The following SUV39H2 variants were observed in gnomAD, a reference collection of about 807,000 sequenced individuals.
The protein encoded by SUV39H2 is histone-lysine N-methyltransferase SUV39H2.
SUV39H2 carries 10 observed loss-of-function variants against 47.5 expected under a neutral mutation model. The observed-to-expected ratio is 0.21, with a 90% CI of 0.13 to 0.36. The LOEUF is 0.36. SUV39H2 is among the 10% of genes least tolerant of loss of function. The pLI, the probability that SUV39H2 is intolerant of heterozygous loss-of-function variation, is 1.00. For missense variants in SUV39H2, 266 were observed against 487.4 expected (o/e 0.55, Z 4.28); for synonymous variants, 159 against 166.8 (o/e 0.95, Z 0.36).
chr10:14,888,173 G>C (rs1833273036), intron 2 of SUV39H2, among the ~76,000 whole-genome samples: 1 of 152,210 alleles, frequency 6.6e-6, no homozygotes, highest in South Asian at 2.1e-4. Flanking sequence ...GACTCTGGCT[G>C]TTGTGCCCTG....
At chr10:14,887,094 A>G (rs1220016802) in intron 2 of SUV39H2, among the ~76,000 whole-genome samples, 1 of 152,200 alleles carries the variant, frequency 6.6e-6, no homozygotes, top group Non-Finnish European at 1.5e-5. Flanking sequence ...TCTCTCTGCA[A>G]AAAAGAAAGG....
intron 1 of SUV39H2, chr10:14,879,814 C>T (rs1224167565): frequency 6.6e-6 from 1 of 152,080 alleles, no homozygotes; most frequent in Non-Finnish European, 1.5e-5. Context: ...TTGTGGTGGT[C>T]ATGAACTATT....
chr10:14,900,697 G>A (rs1404181954), intron 4 of SUV39H2, among the ~76,000 whole-genome samples: 2 of 152,162 alleles, frequency 1.3e-5, no homozygotes, highest in Admixed American at 1.3e-4. Flanking sequence ...GAAACTCCAT[G>A]CAGTGTAAAA....
intron 2 of SUV39H2, among the ~76,000 whole-genome samples, chr10:14,882,948 A>G (rs1425824522): frequency 2.0e-5 from 3 of 150,514 alleles, no homozygotes; most frequent in African/African-American, 7.3e-5. Flanking sequence ...GCTCACTGCA[A>G]CCTCCACCTC....
At chr10:14,881,294 A>G (rs1218904360) in intron 1 of SUV39H2, among the ~76,000 whole-genome samples, 1 of 152,252 alleles carries the variant, frequency 6.6e-6, no homozygotes, top group Non-Finnish European at 1.5e-5. Context: ...ATAGAAATCC[A>G]TGAGAAAATC....
chr10:14,897,749 C>T (rs943570744), intron 3 of SUV39H2: 6 of 306,932 alleles, frequency 2.0e-5, no homozygotes, highest in African/African-American at 1.3e-4. Context: ...CATCTTTCAA[C>T]AAATACACAT....
intron 2 of SUV39H2, among the ~76,000 whole-genome samples, chr10:14,892,816 CTTTT>C (rs543122499): frequency 7.2e-6 from 1 of 139,480 alleles, no homozygotes. Context: ...GGGGAAATGT[CTTTT>C]TTTTTTTTTT....
At chr10:14,895,986 C>G (rs191583712) in intron 2 of SUV39H2, among the ~76,000 whole-genome samples, 74 of 151,480 alleles carry the variant, frequency 4.9e-4, no homozygotes, top group African/African-American at 1.6e-3. Context: ...CTCTGTCGCC[C>G]ACGCTGGAGT....
Position 14,894,365 on chromosome 10 carries a change from T to TG in SUV39H2, c.178-2481_178-2480insG, listed in dbSNP as rs1177474643. On this transcript the variant is annotated intron_variant, in intron 2 of 5. Coordinates refer to ENST00000354919, the MANE Select transcript of SUV39H2 (RefSeq NM_001193424.2). ...TCAAAAGAAAGCAAAGTTTTTTTTT[T>TG]TTTTTTTTTTTTTTTTTTTTGAGAC... is the stretch of plus-strand genomic sequence containing the variant. 5.9e-5 allele frequency among the ~76,000 whole-genome samples: 3 copies of TG among 50,674 alleles called. 1 individual carries two copies. Among genetic ancestry groups the TG allele is most frequent in the African/African-American group, 4.7e-4 (2 of 4,286 alleles). 33.2% of individuals were successfully genotyped at this position (50,674 alleles called of 152,430 possible).
At position 14,897,503 on chromosome 10, in the gene SUV39H2, G is replaced by T; in HGVS notation, c.835G>T (p.Glu279Ter). 6.4e-7 allele frequency: 1 copy of T among 1,558,668 alleles called. No individual in the cohort carries two copies. ...VKIKRMSFVMEYVGEVITSEE... is the reference protein window; with the variant it reads ...VKIKRMSFVM ...GATTAAAAGAATGAGTTTTGTCATG[G>T]AATATGTTGGAGAGGTATGTTTCAT... Residue 279 changes from glutamate (E) to a stop codon, truncating the protein, a stop_gained, in exon 3 of 6, where the codon GAA (glutamate) becomes TAA (stop). Transcript: ENST00000354919. LOFTEE classifies it high-confidence loss of function.
intron 2 of SUV39H2, among the ~76,000 whole-genome samples, chr10:14,889,799 G>T (rs1024431150): frequency 1.3e-5 from 2 of 152,134 alleles, no homozygotes; most frequent in African/African-American, 2.4e-5. Context: ...TCATGTGAAG[G>T]GTCAAGTTGA....
At chr10:14,885,874 C>T (rs541157163) in intron 2 of SUV39H2, among the ~76,000 whole-genome samples, 19 of 152,246 alleles carry the variant, frequency 1.2e-4, no homozygotes, top group East Asian at 7.7e-4. Flanking sequence ...CATAGTCTAC[C>T]GTGCCATTAT....
intron 5 of SUV39H2, among the ~76,000 whole-genome samples, chr10:14,901,593 G>A (rs1448405570): frequency 6.8e-6 from 1 of 146,360 alleles, no homozygotes; most frequent in African/African-American, 2.5e-5. Context: ...GCTCCTGCCT[G>A]TAATCCCAGC....
chr10:14,900,027 G>A (rs1360091600), intron 4 of SUV39H2, among the ~76,000 whole-genome samples: 1 of 152,174 alleles, frequency 6.6e-6, no homozygotes, highest in Admixed American at 6.5e-5. Context: ...ACACAGAACT[G>A]TATCTTAATG....
At chr10:14,879,655 C>A (rs982026648) in intron 1 of SUV39H2, among the ~76,000 whole-genome samples, 2 of 151,996 alleles carry the variant, frequency 1.3e-5, no homozygotes, top group East Asian at 3.9e-4. Flanking sequence ...GTGTCGCGCA[C>A]GCTTTGAGAG....
chr10:14,880,799 A>G (rs1460796866), intron 1 of SUV39H2, among the ~76,000 whole-genome samples: 1 of 152,192 alleles, frequency 6.6e-6, no homozygotes, highest in African/African-American at 2.4e-5. Flanking sequence ...ACCGTTTTAA[A>G]AGTTTGGCTT....
intron 2 of SUV39H2, among the ~76,000 whole-genome samples, chr10:14,895,456 G>A (rs1241470143): frequency 6.6e-6 from 1 of 152,084 alleles, no homozygotes; most frequent in Admixed American, 6.5e-5. Context: ...GATTACAGGC[G>A]TGACCCACCG....
chr10:14,879,225 C>A, intron 1 of SUV39H2: 2 of 759,182 alleles, frequency 2.6e-6, no homozygotes, highest in Non-Finnish European at 1.7e-6. Context: ...CGGCCTCGGG[C>A]TTCGAGGCCG....
intron 1 of SUV39H2, among the ~76,000 whole-genome samples, chr10:14,879,376 C>T (rs1266912858): frequency 6.6e-6 from 1 of 152,186 alleles, no homozygotes; most frequent in African/African-American, 2.4e-5. Flanking sequence ...GTGAACATGA[C>T]CTTAATATCA....
Sources: gnomAD v4.1 joint callset for allele counts (sites outside exome capture counted in the v4.1 genomes callset) on GRCh38, gnomAD v4.1.1 for gene constraint, MANE v1.5 for transcripts, NCBI Gene and HGNC (gene_info 2026-07-23, HGNC 2026-07-21) for gene names.